The following XRN1 variants were observed in gnomAD, a reference collection of about 807,000 sequenced individuals.
The protein encoded by XRN1 is 5'-3' exoribonuclease 1.
In XRN1, 67 loss-of-function variants were observed where a neutral mutation model predicts 222.3. The ratio of observed to expected loss-of-function variants is 0.30; its 90% CI spans 0.25 to 0.37. The LOEUF is 0.37. Among genes scored for constraint, XRN1 ranks in the 10% least tolerant of loss-of-function variants. XRN1 has a pLI of 1.00. For missense variants in XRN1, 1,707 were observed against 2,000.2 expected, an observed-to-expected ratio of 0.85 and a Z score of 2.80; for synonymous variants, 643 against 652.4, an observed-to-expected ratio of 0.99 and a Z score of 0.22.
At chr3:142,344,382 T>C (rs146660999) in intron 33 of XRN1, among the ~76,000 whole-genome samples, 2,544 of 152,016 alleles carry the variant, frequency 0.017, 73 homozygotes, top group African/African-American at 0.059. Context: ...AAATTAAAAA[T>C]AAAAGATAAA....
intron 1 of XRN1, among the ~76,000 whole-genome samples, chr3:142,436,829 T>C (rs187435249): frequency 6.6e-6 from 1 of 152,326 alleles, no homozygotes; most frequent in East Asian, 1.9e-4. Context: ...CGTATCTGCA[T>C]AGAAAAGTTA....
intron 2 of XRN1, 136 bp downstream of exon 2, chr3:142,432,525 T>C (rs2069674487): frequency 2.5e-6 from 2 of 805,194 alleles, no homozygotes; most frequent in South Asian, 4.1e-5. Context: ...AATATGACAC[T>C]GAGATATTTC....
At chr3:142,414,487 C>T in intron 13 of XRN1, 196 bp from the exon 14 acceptor site, 2 of 366,806 alleles carry the variant, frequency 5.5e-6, no homozygotes, top group Non-Finnish European at 9.3e-6. Flanking sequence ...ACAAATGTTA[C>T]ATTTCCTGAA....
intron 6 of XRN1, among the ~76,000 whole-genome samples, chr3:142,423,151 G>A (rs1395680387): frequency 1.3e-5 from 2 of 152,304 alleles, no homozygotes; most frequent in Non-Finnish European, 2.9e-5. Context: ...GTGTTCTGTG[G>A]AAGGATTCTC....
chr3:142,421,438 A>G, intron 9 of XRN1, 38 bp downstream of exon 9: 2 of 1,510,696 alleles, frequency 1.3e-6, no homozygotes, highest in East Asian at 2.3e-5. Flanking sequence ...ATTTACAGCT[A>G]CTCTGCGACA....
At chr3:142,437,620 G>A (rs1293375029) in intron 1 of XRN1, among the ~76,000 whole-genome samples, 1 of 152,084 alleles carries the variant, frequency 6.6e-6, no homozygotes, top group African/African-American at 2.4e-5. Context: ...AAATCTCTAG[G>A]ACATTGGTCT....
intron 37 of XRN1, among the ~76,000 whole-genome samples, chr3:142,325,784 G>A (rs574270484): frequency 2.0e-5 from 3 of 152,174 alleles, no homozygotes; most frequent in African/African-American, 4.8e-5. Context: ...ACTTCCAGCA[G>A]TTTAATAGCT....
At chr3:142,420,129 A>C (rs2068950702) in intron 10 of XRN1, 1 of 152,162 alleles carries the variant, frequency 6.6e-6, no homozygotes, top group African/African-American at 2.4e-5. Flanking sequence ...ATCATTAAAC[A>C]CTATAAATAT....
intron 13 of XRN1, 120 bp downstream of exon 13, chr3:142,417,016 GAAAA>G (rs11291353): frequency 0.011 from 3,364 of 305,516 alleles, no homozygotes; most frequent in South Asian, 0.017. Context: ...GCAACAGAGT[GAAAA>G]AAAAAAAAAA....
chr3:142,434,134 G>T (rs1220549543), intron 1 of XRN1, among the ~76,000 whole-genome samples: 1 of 151,854 alleles, frequency 6.6e-6, no homozygotes, highest in African/African-American at 2.4e-5. Context: ...TTTCAACAGG[G>T]GTATTTTATT....
chr3:142,384,487 A>C (rs754773536), intron 21 of XRN1, 36 bp downstream of exon 21: 2 of 1,530,126 alleles, frequency 1.3e-6, no homozygotes, highest in Non-Finnish European at 1.8e-6. Flanking sequence ...TTAATAGTGT[A>C]TATTAAGACA....
Position 142,423,567 on chromosome 3 carries a change from T to G in XRN1, c.703A>C (p.Thr235Pro), listed in dbSNP as rs139790121. ...ATATGCTATATAATTTACCGTTGTG[T>G]TTTTTTGCCACCAAATCGAACTTCT... ...REEVRFGGKK[T>P]QRVCAPEETT... is the part of the protein sequence containing the mutation. Residue 235 changes from threonine (T) to proline (P), a missense_variant, in exon 6 of 41, where the codon ACA becomes CCA. This residue lies in a region of XRN1 where 1,234 missense variants were observed against 1,518.2 expected (regional missense o/e 0.81). Transcript: ENST00000392981. The G allele has an allele frequency of 1.6e-5, 25 of 1,599,144 alleles. No homozygotes were observed. Among genetic ancestry groups the G allele is most frequent in the Non-Finnish European group, 2.0e-5 (23 of 1,174,728 alleles).
intron 40 of XRN1, 60 bp from the exon 41 acceptor site, chr3:142,311,873 A>C (rs2065086100): frequency 6.8e-7 from 1 of 1,480,980 alleles, no homozygotes; most frequent in Non-Finnish European, 9.1e-7. Context: ...CTAGTGTTGG[A>C]AATTACCATA....
In XRN1 at chr3:142,316,847, T is replaced by C. The variant is rs544440455; in HGVS notation, c.4621+1745A>G. ...TTTCTGAAGGCTGAAGTGGGAGGAC[T>C]GCTTGAGTCCACGACTTTGAGACCA... On this transcript the variant is annotated intron_variant, in intron 39 of 40. Transcript: ENST00000392981. 3.3e-5 allele frequency among the ~76,000 whole-genome samples: 5 copies of C among 152,248 alleles called. No individual in the cohort carries two copies. The South Asian group carries it at 6.2e-4, about 19-fold the overall frequency.
intron 3 of XRN1, chr3:142,426,417 A>G (rs2069248917): frequency 5.1e-6 from 1 of 195,220 alleles, no homozygotes; most frequent in African/African-American, 2.3e-5. Context: ...AACCTCACTG[A>G]GTCTGTTTTA....
chr3:142,363,430 G>A (rs903034165), intron 29 of XRN1, among the ~76,000 whole-genome samples: 3 of 151,974 alleles, frequency 2.0e-5, no homozygotes, highest in African/African-American at 7.3e-5. Context: ...AATTATCCTG[G>A]CACATTGTTG....
chr3:142,421,954 A>T (rs2069052218), intron 8 of XRN1, among the ~76,000 whole-genome samples: 1 of 152,212 alleles, frequency 6.6e-6, no homozygotes, highest in African/African-American at 2.4e-5. Context: ...CATAATAAAC[A>T]CTGTGATGCA....
intron 30 of XRN1, 93 bp downstream of exon 30, chr3:142,359,769 C>A (rs2066566553): frequency 1.0e-6 from 1 of 975,778 alleles, no homozygotes; most frequent in South Asian, 1.7e-5. Flanking sequence ...ACACATCCCA[C>A]AAACTGAAAT....
intron 2 of XRN1, among the ~76,000 whole-genome samples, chr3:142,429,426 G>T (rs1359918786): frequency 6.6e-6 from 1 of 152,108 alleles, no homozygotes; most frequent in Non-Finnish European, 1.5e-5. Context: ...GGGATTACAG[G>T]TGCGAGCCAC....
Sources: allele counts gnomAD v4.1 joint callset (sites outside exome capture counted in the v4.1 genomes callset), GRCh38; gene constraint gnomAD v4.1.1; regional missense constraint gnomAD v4.1.1; transcripts MANE v1.5; gene names NCBI Gene and HGNC (gene_info 2026-07-23, HGNC 2026-07-21).